Variants in KCNC2 observed in about 807,000 individuals in gnomAD.
The protein encoded by KCNC2 is potassium voltage-gated channel subfamily C member 2.
Under a neutral mutation model 44.5 loss-of-function variants are expected in KCNC2, and 21 were observed. That is an observed-to-expected ratio of 0.47 (90% confidence interval 0.33 to 0.68). The LOEUF is 0.68. Ranked by LOEUF, KCNC2 falls within the 30% of genes least tolerant of loss-of-function variation. KCNC2 has a pLI of 0.01. For synonymous variants in KCNC2, 391 were observed against 339.1 expected (o/e 1.15, Z -1.68); for missense variants, 589 against 826.2 (o/e 0.71, Z 3.52).
chr12:75,115,667 G>A (rs1887608599), intron 2 of KCNC2, among the ~76,000 whole-genome samples: 1 of 152,086 alleles, frequency 6.6e-6, no homozygotes, highest in Non-Finnish European at 1.5e-5. Flanking sequence ...TCACGTCAAT[G>A]CATCTTCTCT....
At chr12:75,181,330 A>C (rs1167659782) in intron 2 of KCNC2, among the ~76,000 whole-genome samples, 1 of 152,130 alleles carries the variant, frequency 6.6e-6, no homozygotes, top group Non-Finnish European at 1.5e-5. Context: ...TCAATGCTTA[A>C]ATCATCATTT....
At chr12:75,111,443 A>G (rs749645825) in intron 2 of KCNC2, among the ~76,000 whole-genome samples, 1 of 152,106 alleles carries the variant, frequency 6.6e-6, no homozygotes, top group Non-Finnish European at 1.5e-5. Context: ...ATTATGAACA[A>G]TTGTGTACAC....
chr12:75,060,602 A>C (rs1218504886), intron 2 of KCNC2, among the ~76,000 whole-genome samples: 1 of 151,956 alleles, frequency 6.6e-6, no homozygotes, highest in East Asian at 1.9e-4. Flanking sequence ...AGTTGCTGGG[A>C]TTACATGCAT....
chr12:75,158,895 A>T (rs1890935495), intron 2 of KCNC2, among the ~76,000 whole-genome samples: 1 of 151,814 alleles, frequency 6.6e-6, no homozygotes, highest in East Asian at 1.9e-4. Context: ...TGTCCTAATC[A>T]GGCTCAAGTT....
intron 2 of KCNC2, among the ~76,000 whole-genome samples, chr12:75,147,127 CA>C (rs1890079448): frequency 6.6e-6 from 1 of 152,012 alleles, no homozygotes; most frequent in Non-Finnish European, 1.5e-5. Flanking sequence ...AAAAATGAAA[CA>C]TTTTCATTTT....
chr12:75,149,011 A>G (rs1890213278), intron 2 of KCNC2, among the ~76,000 whole-genome samples: 3 of 151,800 alleles, frequency 2.0e-5, no homozygotes, highest in Admixed American at 1.3e-4. Flanking sequence ...AAAAAAAAAA[A>G]AAGAATCATA....
At chr12:75,060,120 T>G (rs1882160563) in intron 2 of KCNC2, among the ~76,000 whole-genome samples, 1 of 152,160 alleles carries the variant, frequency 6.6e-6, no homozygotes, top group Admixed American at 6.6e-5. Flanking sequence ...CCCAATTTGT[T>G]GATCAAATCT....
intron 2 of KCNC2, among the ~76,000 whole-genome samples, chr12:75,052,096 A>G (rs554160162): frequency 2.0e-5 from 3 of 152,198 alleles, no homozygotes; most frequent in African/African-American, 7.2e-5. Context: ...ACACACACCT[A>G]CCACCAACAC....
intron 2 of KCNC2, among the ~76,000 whole-genome samples, chr12:75,071,937 CAAAAAAAAAAA>C (rs751849483): frequency 1.2e-3 from 81 of 67,362 alleles, no homozygotes; most frequent in Middle Eastern, 0.01. Flanking sequence ...GACTCCTTCT[CAAAAAAAAAAA>C]AAAAAAAAAA....
chr12:75,197,620 C>T (rs572626673), intron 2 of KCNC2, among the ~76,000 whole-genome samples: 41 of 152,112 alleles, frequency 2.7e-4, no homozygotes, highest in Admixed American at 2.2e-3. Context: ...TAGAACATAA[C>T]CTAGTTCTGG....
In KCNC2 at chr12:75,183,191, A is replaced by G. The variant is rs191870201; in HGVS notation, c.687+24106T>C. 2.6e-5 allele frequency among the ~76,000 whole-genome samples: 4 copies of G among 152,338 alleles called. No individual in the cohort carries two copies. In the East Asian group the frequency reaches 7.7e-4, roughly 29 times the overall value. ...ATTAATTGAAAGGAGTCACTCCACT[A>G]CTAGAATTTCCTGGCATTGTAGCAA... On this transcript the variant is annotated intron_variant, in intron 2 of 4. Transcript: ENST00000549446.
At chr12:75,126,776 G>A (rs1027890619) in intron 2 of KCNC2, among the ~76,000 whole-genome samples, 1 of 152,078 alleles carries the variant, frequency 6.6e-6, no homozygotes, top group Non-Finnish European at 1.5e-5. Context: ...TTCAGGATAA[G>A]ATATTTGTTA....
chr12:75,158,405 T>C (rs1890900515), intron 2 of KCNC2, among the ~76,000 whole-genome samples: 2 of 151,386 alleles, frequency 1.3e-5, no homozygotes, highest in African/African-American at 4.9e-5. Flanking sequence ...GAGATTATAT[T>C]TTTAGATACA....
chr12:75,055,190 T>G (rs1172951407), intron 2 of KCNC2, among the ~76,000 whole-genome samples: 1 of 151,954 alleles, frequency 6.6e-6, no homozygotes, highest in African/African-American at 2.4e-5. Flanking sequence ...TATGGCAGGA[T>G]AGATAAAGGG....
At chr12:75,062,488 T>A (rs559560804) in intron 2 of KCNC2, among the ~76,000 whole-genome samples, 1 of 152,096 alleles carries the variant, frequency 6.6e-6, no homozygotes, top group Non-Finnish European at 1.5e-5. Context: ...CAAATGCTGG[T>A]TCTACACAAG....
rs1198119326 is a variant in KCNC2, at chr12:75,056,019, G to A, written c.688-4702C>T. Among the ~76,000 whole-genome samples, 18 of 151,682 alleles carry A rather than the reference G, an allele frequency of 1.2e-4. No homozygotes were observed. In the South Asian group the frequency reaches 2.5e-3, roughly 21 times the overall value. ...TGTGTCCTTTCTCTGTGCTACTCTCGCCCAGGATCACTAATATTGCAGCAA... is the reference window on the plus strand; with the variant it reads ...TGTGTCCTTTCTCTGTGCTACTCTCACCCAGGATCACTAATATTGCAGCAA... On this transcript the variant is annotated intron_variant, in intron 2 of 4. Coordinates refer to ENST00000549446, the MANE Select transcript of KCNC2 (RefSeq NM_139137.4).
intron 2 of KCNC2, among the ~76,000 whole-genome samples, chr12:75,143,768 T>C (rs1173467666): frequency 6.6e-6 from 1 of 152,216 alleles, no homozygotes; most frequent in African/African-American, 2.4e-5. Flanking sequence ...TTTTTCACCA[T>C]GACATTTGCT....
chr12:75,145,442 C>T (rs1040362799), intron 2 of KCNC2, among the ~76,000 whole-genome samples: 20 of 151,180 alleles, frequency 1.3e-4, no homozygotes, highest in Admixed American at 3.3e-4. Flanking sequence ...ACATTAAGCT[C>T]ATATCCTATT....
At chr12:75,197,825 G>A (rs975197141) in intron 2 of KCNC2, among the ~76,000 whole-genome samples, 4 of 151,856 alleles carry the variant, frequency 2.6e-5, no homozygotes, top group East Asian at 1.9e-4. Flanking sequence ...GAAACCCAGC[G>A]TTGAAGTACA....
Sources: allele counts gnomAD v4.1 joint callset (sites outside exome capture counted in the v4.1 genomes callset), GRCh38; gene constraint gnomAD v4.1.1; transcripts MANE v1.5; gene names NCBI Gene and HGNC (gene_info 2026-07-23, HGNC 2026-07-21).